The following TIAM1 variants were observed in gnomAD, a reference collection of about 807,000 sequenced individuals.
The protein encoded by TIAM1 is TIAM Rac1 associated GEF 1.
A neutral mutation model predicts 163.5 loss-of-function variants in TIAM1; 65 were observed. The observed-to-expected ratio is 0.40, with a 90% confidence interval of 0.33 to 0.49. TIAM1 has a LOEUF of 0.49. Among genes scored for constraint, TIAM1 ranks in the 20% least tolerant of loss-of-function variants. TIAM1 has a pLI of 0.77. For synonymous variants in TIAM1, 833 were observed against 810.1 expected (o/e 1.03, Z -0.48); for missense variants, 1,789 against 2,044.7 (o/e 0.87, Z 2.41).
At chr21:31,450,702 G>A (rs2044799864) in intron 2 of TIAM1, among the ~76,000 whole-genome samples, 1 of 152,182 alleles carries the variant, frequency 6.6e-6, no homozygotes, top group Non-Finnish European at 1.5e-5. Context: ...GGCTGGGGAG[G>A]CCTCACAATC....
chr21:31,405,597 G>A (rs529849575), intron 2 of TIAM1, among the ~76,000 whole-genome samples: 1 of 152,296 alleles, frequency 6.6e-6, no homozygotes, highest in East Asian at 1.9e-4. Flanking sequence ...TGGAAGACAA[G>A]GAGGAGCAAG....
At chr21:31,346,593 A>G (rs759768530), upstream of TIAM1, among the ~76,000 whole-genome samples, 14 of 152,228 alleles carry the variant, frequency 9.2e-5, no homozygotes, top group Non-Finnish European at 1.5e-4. Flanking sequence ...CATGGTGTGC[A>G]GCGAGAGATG....
upstream of TIAM1, among the ~76,000 whole-genome samples, chr21:31,347,696 CA>C (rs933700019): frequency 1.3e-5 from 2 of 152,132 alleles, no homozygotes; most frequent in African/African-American, 4.8e-5. Context: ...CTAAATGATA[CA>C]AAAATAACAC....
At chr21:31,229,333 C>T (rs1382981348) in intron 6 of TIAM1, among the ~76,000 whole-genome samples, 4 of 152,070 alleles carry the variant, frequency 2.6e-5, no homozygotes, top group East Asian at 1.9e-4. Flanking sequence ...TCTGTGTATA[C>T]GTTAAACTAT....
chr21:31,162,786 T>C (rs2083994339), intron 16 of TIAM1, among the ~76,000 whole-genome samples: 1 of 152,102 alleles, frequency 6.6e-6, no homozygotes, highest in Admixed American at 6.6e-5. Flanking sequence ...GTCAATAATT[T>C]TGAGAAAATT....
At chr21:31,529,073 C>A (rs920182967) in intron 1 of TIAM1, among the ~76,000 whole-genome samples, 4 of 151,608 alleles carry the variant, frequency 2.6e-5, no homozygotes, top group Non-Finnish European at 4.4e-5. Context: ...AGGCGCCCAC[C>A]ATGCCCAGCT....
rs5843509 is a variant in TIAM1 at position 31,325,286 on chromosome 21, C to CAA, written c.-189+13955_-189+13956dup. Among the ~76,000 whole-genome samples the CAA allele has an allele frequency of 6.4e-3, 871 of 135,140 alleles. 7 individuals are homozygous for CAA. The highest frequency in any genetic ancestry group is 0.023 in the African/African-American group (839 of 36,794). The allele number at this position is 135,140 out of a possible 152,430, so 88.7% of individuals were successfully genotyped here. A position where few individuals can be genotyped will look rare whatever the true frequency, so the allele number is the denominator to read the frequency against. On this transcript the variant is annotated intron_variant, in intron 2 of 27. Transcript: ENST00000541036. ...TGGGTGACAGAGGGAGGCCCTGTCTCAAAAAAAAAAAAAAATTAGTTTTTA... is the reference window on the plus strand; with the variant it reads ...TGGGTGACAGAGGGAGGCCCTGTCTCAAAAAAAAAAAAAAAAATTAGTTTTTA...
chr21:31,416,141 G>A (rs569167845), intron 2 of TIAM1, among the ~76,000 whole-genome samples: 98 of 151,760 alleles, frequency 6.5e-4, no homozygotes, highest in Non-Finnish European at 1.2e-3. Context: ...CTCCCCTCTC[G>A]CCAAATCCTC....
chr21:31,209,028 C>T (rs921194652), intron 11 of TIAM1, among the ~76,000 whole-genome samples: 7 of 152,060 alleles, frequency 4.6e-5, no homozygotes, highest in Admixed American at 3.9e-4. Flanking sequence ...CTGAGCCTTA[C>T]TGATTGTCCT....
chr21:31,188,263 C>T (rs932063185), intron 13 of TIAM1, among the ~76,000 whole-genome samples: 13 of 152,238 alleles, frequency 8.5e-5, no homozygotes, highest in Middle Eastern at 3.4e-3. Flanking sequence ...GAGGGCCACC[C>T]GTGAGGACTT....
chr21:31,495,526 G>A (rs952905426), intron 1 of TIAM1, among the ~76,000 whole-genome samples: 2 of 152,164 alleles, frequency 1.3e-5, no homozygotes, highest in South Asian at 2.1e-4. Flanking sequence ...CAGCCTAATC[G>A]CCTCTTAAAG....
intron 2 of TIAM1, among the ~76,000 whole-genome samples, chr21:31,305,725 C>G (rs2074683531): frequency 6.6e-6 from 1 of 152,198 alleles, no homozygotes. Context: ...CAGAGCTACC[C>G]TTCTGTGCCA....
intron 2 of TIAM1, among the ~76,000 whole-genome samples, chr21:31,379,873 C>A (rs2076748695): frequency 1.3e-5 from 2 of 152,102 alleles, no homozygotes; most frequent in African/African-American, 4.8e-5. Context: ...GTGAGAAGAG[C>A]TGGAGGGAAA....
chr21:31,398,633 G>T (rs1385114779), intron 2 of TIAM1, among the ~76,000 whole-genome samples: 1 of 152,246 alleles, frequency 6.6e-6, no homozygotes. Context: ...ACAGTTCCCA[G>T]ACAGGAAAAT....
At chr21:31,178,499 G>A (rs970753874) in intron 15 of TIAM1, among the ~76,000 whole-genome samples, 1 of 151,868 alleles carries the variant, frequency 6.6e-6, no homozygotes, top group African/African-American at 2.4e-5. Flanking sequence ...GTAGAGACGG[G>A]GTTTCACTGT....
chr21:31,192,066 C>T (rs576154787), intron 13 of TIAM1, among the ~76,000 whole-genome samples: 19 of 152,144 alleles, frequency 1.2e-4, no homozygotes, highest in Non-Finnish European at 2.6e-4. Context: ...CATAATAAGC[C>T]GCTCATAAAC....
At chr21:31,353,125 A>G (rs2076261338) in intron 2 of TIAM1, among the ~76,000 whole-genome samples, 1 of 152,336 alleles carries the variant, frequency 6.6e-6, no homozygotes, top group African/African-American at 2.4e-5. Context: ...AGTAGGGAAC[A>G]GCTGCTTCCA....
At position 31,373,460 on chromosome 21, in the gene TIAM1, GA is replaced by G. The variant is rs1441238155; in HGVS notation, c.-368-34039del. On this transcript the variant is annotated intron_variant, in intron 2 of 28. Coordinates refer to the TIAM1 transcript ENST00000286827. ...CACTTCTTTCGTGGTGGTGGCAAGAGAAAAATGAGAGACAAGCAAAAGCAGA... is the reference window on the plus strand; with the variant it reads ...CACTTCTTTCGTGGTGGTGGCAAGAGAAAATGAGAGACAAGCAAAAGCAGA... Among the ~76,000 whole-genome samples the G allele has an allele frequency of 9.9e-5, 15 of 152,274 alleles. No homozygotes were observed. The East Asian group carries it at 1.4e-3, about 14-fold the overall frequency.
intron 2 of TIAM1, among the ~76,000 whole-genome samples, chr21:31,351,545 C>G (rs2076234345): frequency 6.6e-6 from 1 of 152,134 alleles, no homozygotes; most frequent in South Asian, 2.1e-4. Context: ...TCCAGACAAG[C>G]AAGCAAGGGG....
Sources: allele counts gnomAD v4.1 joint callset (sites outside exome capture counted in the v4.1 genomes callset), GRCh38; gene constraint gnomAD v4.1.1; transcripts MANE v1.5; gene names NCBI Gene and HGNC (gene_info 2026-07-23, HGNC 2026-07-21).